The following MYO3A variants were observed in gnomAD, a reference collection of about 807,000 sequenced individuals.
MYO3A encodes myosin IIIA.
Under a neutral mutation model 192.7 loss-of-function variants are expected in MYO3A, and 180 were observed. The observed-to-expected ratio is 0.93, with a 90% confidence interval of 0.83 to 1.06. The LOEUF (loss-of-function observed/expected upper bound fraction) is 1.06. MYO3A is among the 50% of genes least tolerant of loss of function. The pLI is 0.00. For missense variants in MYO3A, 1,896 were observed against 1,905.0 expected (o/e 1.00, Z 0.09); for synonymous variants, 628 against 645.3 (o/e 0.97, Z 0.41).
intron 6 of MYO3A, among the ~76,000 whole-genome samples, chr10:26,005,907 C>A (rs573281903): frequency 2.0e-5 from 3 of 151,894 alleles, no homozygotes; most frequent in African/African-American, 7.3e-5. Context: ...GCGACTTTTA[C>A]CTTATTTGAA....
chr10:26,129,427 G>A lies in MYO3A; in HGVS notation c.2262+889G>A, dbSNP rs138142564. ...TCCCTCTCCCTCTCTTCCTCTTCTT[G>A]TCTCCTCTGCTCCTCTCTGTCGGTG... On this transcript the variant is annotated intron_variant, in intron 20 of 34. Coordinates refer to ENST00000642920, the MANE Select transcript of MYO3A (RefSeq NM_017433.5). Among the ~76,000 whole-genome samples the A allele has an allele frequency of 3.2e-3, 492 of 151,942 alleles. 5 individuals are homozygous for A. The highest frequency in any genetic ancestry group is 0.012 in the African/African-American group (477 of 41,424).
intron 14 of MYO3A, among the ~76,000 whole-genome samples, chr10:26,082,470 A>AT (rs1352021480): frequency 1.3e-5 from 2 of 152,084 alleles, no homozygotes; most frequent in African/African-American, 4.8e-5. Context: ...TCTAACAGTT[A>AT]TTTTTTTGGG....
At chr10:26,086,917 T>C (rs1836363477) in intron 14 of MYO3A, among the ~76,000 whole-genome samples, 1 of 152,186 alleles carries the variant, frequency 6.6e-6, no homozygotes, top group Admixed American at 6.5e-5. Context: ...TGTGGTTCTG[T>C]AGATGTCAGC....
chr10:25,992,200 T>C (rs539940256), intron 4 of MYO3A, among the ~76,000 whole-genome samples: 75 of 152,288 alleles, frequency 4.9e-4, no homozygotes, highest in African/African-American at 1.8e-3. Context: ...TGAGCAGTGG[T>C]TTGTAGTTCT....
intron 4 of MYO3A, among the ~76,000 whole-genome samples, chr10:25,996,077 T>C (rs1187203038): frequency 1.3e-5 from 2 of 152,264 alleles, no homozygotes; most frequent in Non-Finnish European, 2.9e-5. Flanking sequence ...CTACCTTTTG[T>C]TTGGCTATGC....
chr10:26,116,283 G>T lies in MYO3A; in HGVS notation c.1777-4393G>T, dbSNP rs537380028. 9.2e-5 allele frequency among the ~76,000 whole-genome samples: 14 copies of T among 152,234 alleles called. No homozygotes were observed. In the South Asian group the frequency reaches 1.0e-3, roughly 11 times the overall value. On this transcript the variant is annotated intron_variant, in intron 17 of 34. Transcript: ENST00000642920. The stretch of plus-strand genomic sequence containing the variant: ...TATGCTCCGCTCCGAGTTTCTAGTG[G>T]TTCCCCAGTAATGATTGGTATTCTT...
At chr10:26,139,322 C>T (rs987475466) in intron 20 of MYO3A, among the ~76,000 whole-genome samples, 1 of 138,622 alleles carries the variant, frequency 7.2e-6, no homozygotes, top group Non-Finnish European at 1.6e-5. Flanking sequence ...CTCACCACAA[C>T]CTCCACCTCC....
chr10:26,126,918 A>G (rs1213802765), intron 19 of MYO3A, among the ~76,000 whole-genome samples: 2 of 152,202 alleles, frequency 1.3e-5, no homozygotes, highest in Admixed American at 1.3e-4. Context: ...AGGGAGACCA[A>G]TTGAAATAAT....
rs1397485248 is a variant in MYO3A, at chr10:26,156,330, TCCAG to T, written c.2794-977_2794-974del. Among the ~76,000 whole-genome samples the T allele has an allele frequency of 9.8e-5, 15 of 152,316 alleles. No individual in the cohort carries two copies. The East Asian group carries it at 2.7e-3, about 27-fold the overall frequency. ...CTTACATTTCCAACACTAAACGGGA[TCCAG>T]CCGTCAATTGCTATTTGTGTCCATA... On this transcript the variant is annotated intron_variant, in intron 25 of 34. Coordinates refer to ENST00000642920, the MANE Select transcript of MYO3A (RefSeq NM_017433.5).
intron 34 of MYO3A, 140 bp from the exon 35 acceptor site, chr10:26,211,703 A>G (rs1299852834): frequency 1.5e-6 from 2 of 1,312,386 alleles, no homozygotes; most frequent in Non-Finnish European, 2.1e-6. Context: ...GCCATTATCC[A>G]GTCGTTTCGA....
chr10:26,014,926 CT>C (rs1209087772), intron 6 of MYO3A, among the ~76,000 whole-genome samples: 1 of 152,108 alleles, frequency 6.6e-6, no homozygotes, highest in Non-Finnish European at 1.5e-5. Flanking sequence ...TTTGATGTTT[CT>C]GCTGTCTTTC....
intron 4 of MYO3A, among the ~76,000 whole-genome samples, chr10:25,991,832 G>C (rs1840052082): frequency 6.6e-6 from 1 of 151,988 alleles, no homozygotes; most frequent in African/African-American, 2.4e-5. Flanking sequence ...GTAGATGTGT[G>C]GTATTATTTC....
At chr10:25,946,164 G>A (rs1290357023) in intron 2 of MYO3A, among the ~76,000 whole-genome samples, 1 of 152,104 alleles carries the variant, frequency 6.6e-6, no homozygotes, top group African/African-American at 2.4e-5. Context: ...AATTTTCCAT[G>A]TAATTACTTT....
intron 10 of MYO3A, 145 bp downstream of exon 10, chr10:26,026,677 T>C: frequency 1.1e-6 from 1 of 928,824 alleles, no homozygotes; most frequent in Non-Finnish European, 1.7e-6. Flanking sequence ...TTGAAATGCC[T>C]CTCAATATTG....
chr10:26,070,841 C>G (rs1018687555), intron 14 of MYO3A, among the ~76,000 whole-genome samples: 21 of 112,196 alleles, frequency 1.9e-4, no homozygotes, highest in African/African-American at 4.6e-4. Flanking sequence ...CTATGTAGAT[C>G]TAAATATTAT....
intron 31 of MYO3A, among the ~76,000 whole-genome samples, chr10:26,191,400 G>T (rs1843123153): frequency 6.6e-6 from 1 of 152,170 alleles, no homozygotes; most frequent in Admixed American, 6.5e-5. Context: ...TCTATTCCTT[G>T]AAAAAGGGAG....
chr10:26,138,328 G>A (rs978626772), intron 20 of MYO3A, among the ~76,000 whole-genome samples: 11 of 152,268 alleles, frequency 7.2e-5, no homozygotes, highest in African/African-American at 2.6e-4. Flanking sequence ...ATTGGGGGCA[G>A]GTTCCCCCGA....
rs773728378 is a variant in MYO3A at position 26,068,861 on chromosome 10, A to G, written c.1147A>G (p.Ser383Gly). 3 of 1,589,872 alleles carry G rather than the reference A, an allele frequency of 1.9e-6. No homozygotes were observed. The highest frequency in any genetic ancestry group is 2.6e-6 in the Non-Finnish European group (3 of 1,158,066). ...DILIALNPFQ[S>G]LGLYSTKHSK... ...ACTCATTGCTCTTAACCCTTTTCAGAGTCTGGGTCTTTACTCCACAAAGGT... is the reference window on the plus strand; with the variant it reads ...ACTCATTGCTCTTAACCCTTTTCAGGGTCTGGGTCTTTACTCCACAAAGGT... Residue 383 changes from serine (S) to glycine (G), a missense_variant, in exon 12 of 35, where the codon AGT becomes GGT. Physicochemically the swap from Ser to Gly is moderately conservative, Grantham distance 56. Coordinates refer to ENST00000642920, the MANE Select transcript of MYO3A (RefSeq NM_017433.5).
At chr10:25,988,045 T>G (rs2130837949) in intron 4 of MYO3A, among the ~76,000 whole-genome samples, 1 of 152,332 alleles carries the variant, frequency 6.6e-6, no homozygotes, top group South Asian at 2.1e-4. Flanking sequence ...AATAATGGCA[T>G]TCACAGCCAC....
Sources: allele counts gnomAD v4.1 joint callset (sites outside exome capture counted in the v4.1 genomes callset), GRCh38; gene constraint gnomAD v4.1.1; transcripts MANE v1.5; gene names NCBI Gene and HGNC (gene_info 2026-07-23, HGNC 2026-07-21).